Variants in MACC1 observed in about 807,000 individuals in gnomAD.
The protein encoded by MACC1 is metastasis-associated in colon cancer protein 1.
Under a neutral mutation model 70.7 loss-of-function variants are expected in MACC1, and 79 were observed. That is an observed-to-expected ratio of 1.12 (90% CI 0.93 to 1.35). The LOEUF (loss-of-function observed/expected upper bound fraction) is 1.35. MACC1 is among the 40% of genes most tolerant of loss of function. The pLI is 0.00. For missense variants in MACC1, 1,106 were observed against 978.1 expected (o/e 1.13, Z -1.74); for synonymous variants, 361 against 347.2 (o/e 1.04, Z -0.44).
intron 1 of MACC1, among the ~76,000 whole-genome samples, chr7:20,183,454 C>T (rs1269217166): frequency 6.6e-6 from 1 of 152,176 alleles, no homozygotes; most frequent in Non-Finnish European, 1.5e-5. Flanking sequence ...GTGATACCTT[C>T]AGCAGAGGGC....
At chr7:20,155,810 G>A (rs1310926631) in intron 5 of MACC1, among the ~76,000 whole-genome samples, 1 of 152,120 alleles carries the variant, frequency 6.6e-6, no homozygotes, top group Non-Finnish European at 1.5e-5. Flanking sequence ...GAGCTAGCGG[G>A]CCCCTGATGG....
rs75570191 is a variant in MACC1, at chr7:20,156,930, T to C, written c.2157+1274A>G. Among the ~76,000 whole-genome samples, 1,466 of 152,334 alleles carry C rather than the reference T, an allele frequency of 9.6e-3. 37 individuals are homozygous for C. The highest frequency in any genetic ancestry group is 0.034 in the African/African-American group (1,409 of 41,566). On this transcript the variant is annotated intron_variant, in intron 5 of 6. Transcript: ENST00000400331. ...ACAGAGCACCAGCCTTTCACAATTATAATATTTAATACAAATACCTACACA... is the reference window on the plus strand; with the variant it reads ...ACAGAGCACCAGCCTTTCACAATTACAATATTTAATACAAATACCTACACA...
chr7:20,163,231 T>A (rs1000290778), intron 3 of MACC1, among the ~76,000 whole-genome samples: 2 of 152,134 alleles, frequency 1.3e-5, no homozygotes, highest in African/African-American at 4.8e-5. Context: ...AGAAACACAA[T>A]TTTTACCTAT....
intron 4 of MACC1, 125 bp from the exon 5 acceptor site, chr7:20,160,370 A>T: frequency 8.8e-7 from 1 of 1,130,300 alleles, no homozygotes; most frequent in Non-Finnish European, 1.2e-6. Flanking sequence ...TCTGATCTCT[A>T]GTCTACTAGC....
intron 1 of MACC1, among the ~76,000 whole-genome samples, chr7:20,202,913 A>C (rs1163673804): frequency 6.6e-6 from 1 of 152,220 alleles, no homozygotes; most frequent in Non-Finnish European, 1.5e-5. Flanking sequence ...CATAGATTGT[A>C]TGTTGTCTTT....
intron 6 of MACC1, among the ~76,000 whole-genome samples, chr7:20,145,036 C>T (rs150038902): frequency 1.1e-3 from 165 of 152,294 alleles, no homozygotes; most frequent in African/African-American, 3.8e-3. Flanking sequence ...CCTGGATATC[C>T]TCCCAACTCC....
chr7:20,183,590 T>G (rs1056362896), intron 1 of MACC1, among the ~76,000 whole-genome samples: 2 of 152,234 alleles, frequency 1.3e-5, no homozygotes, highest in Non-Finnish European at 2.9e-5. Context: ...ACAAGATGCT[T>G]TAACATTCAT....
At chr7:20,180,341 G>C (rs1782483469) in intron 1 of MACC1, among the ~76,000 whole-genome samples, 1 of 151,874 alleles carries the variant, frequency 6.6e-6, no homozygotes, top group Non-Finnish European at 1.5e-5. Context: ...TTCTCGGGAG[G>C]CTGAGGCAGG....
At chr7:20,209,122 G>A (rs1010668130) in intron 1 of MACC1, among the ~76,000 whole-genome samples, 1 of 152,246 alleles carries the variant, frequency 6.6e-6, no homozygotes, top group African/African-American at 2.4e-5. Flanking sequence ...CCCTCATAGA[G>A]AACCTCTACT....
At chr7:20,202,750 G>C (rs1419610242) in intron 1 of MACC1, among the ~76,000 whole-genome samples, 1 of 152,182 alleles carries the variant, frequency 6.6e-6, no homozygotes, top group Non-Finnish European at 1.5e-5. Context: ...AATCGAGCTA[G>C]TTTTACTGAG....
intron 5 of MACC1, 128 bp from the exon 6 acceptor site, chr7:20,154,509 T>G: frequency 6.3e-6 from 6 of 949,204 alleles, no homozygotes; most frequent in Non-Finnish European, 9.2e-6. Flanking sequence ...TAATCGAGTT[T>G]TCTAAAGCTC....
intron 1 of MACC1, among the ~76,000 whole-genome samples, chr7:20,207,525 A>C (rs1229454529): frequency 6.6e-6 from 1 of 152,164 alleles, no homozygotes; most frequent in Admixed American, 6.5e-5. Flanking sequence ...GTTAGGACCT[A>C]TAATTCAAAT....
At position 20,161,831 on chromosome 7, in the gene MACC1, G is replaced by A; in HGVS notation, c.32C>T (p.Ser11Leu). ...AGACATACTTTGTGCAATTCTTCCTGACCGAAAATGTTTTCTTTCAGTGAT... is the reference window on the plus strand; with the variant it reads ...AGACATACTTTGTGCAATTCTTCCTAACCGAAAATGTTTTCTTTCAGTGAT... MLITERKHFR[S>L]GRIAQSMSEA... Residue 11 changes from serine to leucine, a missense_variant, in exon 4 of 7, where the codon TCA (serine) becomes TTA (leucine). Transcript: ENST00000400331. 6.2e-7 allele frequency: 1 copy of A among 1,612,078 alleles called. No homozygotes were observed. Among genetic ancestry groups the A allele is most frequent in the Non-Finnish European group, 8.5e-7 (1 of 1,178,686 alleles).
At chr7:20,179,193 T>A (rs1583399412) in intron 1 of MACC1, among the ~76,000 whole-genome samples, 2 of 152,204 alleles carry the variant, frequency 1.3e-5, no homozygotes, top group Admixed American at 1.3e-4. Context: ...TTCTCATCAG[T>A]GCTTTTTCTT....
chr7:20,194,309 AC>A (rs536004624), intron 1 of MACC1, among the ~76,000 whole-genome samples: 54 of 152,200 alleles, frequency 3.5e-4, no homozygotes, highest in Non-Finnish European at 5.3e-4. Flanking sequence ...CCAGGTTCTG[AC>A]ACAGAGATCA....
At position 20,204,551 on chromosome 7, in the gene MACC1, C is replaced by T. The variant is rs926728831; in HGVS notation, c.-218+12748G>A. ...CGTCCTGAGACATTGTGTCTCAATC[C>T]GAGTCCAAGTGAAAAGCACTTCCCA... is the stretch of plus-strand genomic sequence containing the variant. On this transcript the variant is annotated intron_variant, in intron 1 of 6. Transcript: ENST00000400331. 3.3e-5 allele frequency among the ~76,000 whole-genome samples: 5 copies of T among 152,180 alleles called. No individual in the cohort carries two copies. The South Asian group carries it at 8.3e-4, about 25-fold the overall frequency.
chr7:20,136,833 TATTATTA>T lies in MACC1; in HGVS notation c.*4106_*4112del, dbSNP rs891771412. ...ATTATTAATTCTTAAAGATTAAGAT[TATTATTA>T]ATTATTAATTGTAATTATTAATTCT... On this transcript the variant is annotated 3_prime_UTR_variant, in exon 7 of 7. Transcript: ENST00000400331. 4 of 149,634 alleles carry T rather than the reference TATTATTA, an allele frequency of 2.7e-5. No individual in the cohort carries two copies. The highest frequency in any genetic ancestry group is 6.7e-5 in the Admixed American group (1 of 14,954). The allele number at this position is 149,634 out of a possible 1,614,324, so 9.3% of individuals were successfully genotyped here.
At chr7:20,176,241 T>C (rs977212734) in intron 1 of MACC1, among the ~76,000 whole-genome samples, 1 of 152,132 alleles carries the variant, frequency 6.6e-6, no homozygotes, top group African/African-American at 2.4e-5. Flanking sequence ...TAAAACATCA[T>C]GTTGCGCATC....
chr7:20,191,019 CT>C (rs1187203976), intron 1 of MACC1, among the ~76,000 whole-genome samples: 2 of 152,204 alleles, frequency 1.3e-5, no homozygotes, highest in East Asian at 3.8e-4. Context: ...TGTCACACTA[CT>C]TGCACTAATC....
Sources: gnomAD v4.1 joint callset for allele counts (sites outside exome capture counted in the v4.1 genomes callset) on GRCh38, gnomAD v4.1.1 for gene constraint, MANE v1.5 for transcripts, NCBI Gene and HGNC (gene_info 2026-07-23, HGNC 2026-07-21) for gene names.